CYFIP1: variants seen among roughly 807,000 people sequenced by gnomAD.
CYFIP1 encodes the protein cytoplasmic FMR1-interacting protein 1.
Under a neutral mutation model 163.5 loss-of-function variants are expected in CYFIP1, and 58 were observed. The observed-to-expected ratio is 0.35, with a 90% confidence interval of 0.29 to 0.44. CYFIP1 has a LOEUF of 0.44. CYFIP1 is among the 20% of genes least tolerant of loss of function. CYFIP1 has a pLI of 1.00. For missense variants in CYFIP1, 1,338 were observed against 1,653.8 expected (o/e 0.81, Z 3.31); for synonymous variants, 663 against 660.7 (o/e 1.00, Z -0.05).
chr15:22,894,705 A>G (rs1013341190), intron 22 of CYFIP1, among the ~76,000 whole-genome samples: 1 of 151,426 alleles, frequency 6.6e-6, no homozygotes, highest in Admixed American at 6.6e-5. Context: ...CTATGATATA[A>G]CTCAGATACA....
intron 26 of CYFIP1, among the ~76,000 whole-genome samples, chr15:22,875,659 C>T (rs539615207): frequency 1.3e-5 from 2 of 152,048 alleles, no homozygotes; most frequent in African/African-American, 4.8e-5. Flanking sequence ...CTCTTAAGAA[C>T]CACAGTTTAT....
At chr15:22,899,078 T>A (rs771356601) in intron 22 of CYFIP1, among the ~76,000 whole-genome samples, 26 of 152,146 alleles carry the variant, frequency 1.7e-4, no homozygotes, top group South Asian at 1.0e-3. Flanking sequence ...ACTCAAGAGA[T>A]CTTCCTGCCT....
In CYFIP1 at chr15:22,872,925, A is replaced by AC; in HGVS notation, c.3496dup (p.Val1166GlyfsTer20). ...AAAACGCCGCTGCTGCCCAAGAAGT[A>AC]CGATGATCATACAGCCAGCCCAGTG... is the stretch of plus-strand genomic sequence containing the variant. On this transcript the variant is annotated frameshift_variant, in exon 30 of 31. Transcript: ENST00000617928. LOFTEE classifies it high-confidence loss of function. 6.2e-7 allele frequency: 1 copy of AC among 1,614,154 alleles called. No homozygotes were observed. The highest frequency in any genetic ancestry group is 8.5e-7 in the Non-Finnish European group (1 of 1,180,002).
chr15:22,897,559 C>T (rs536300558), intron 22 of CYFIP1, among the ~76,000 whole-genome samples: 17 of 152,070 alleles, frequency 1.1e-4, no homozygotes, highest in African/African-American at 4.1e-4. Flanking sequence ...TCTTGGCTCA[C>T]TGCAGCCTTG....
intron 1 of CYFIP1, among the ~76,000 whole-genome samples, chr15:22,970,938 TG>T (rs2063073513): frequency 6.6e-6 from 1 of 151,970 alleles, no homozygotes; most frequent in South Asian, 2.1e-4. Flanking sequence ...TAGCTGGGTG[TG>T]GTGGCGGGGG....
intron 1 of CYFIP1, among the ~76,000 whole-genome samples, chr15:22,958,363 G>T (rs575318853): frequency 6.6e-6 from 1 of 152,292 alleles, no homozygotes; most frequent in South Asian, 2.1e-4. Flanking sequence ...TGGGATTACA[G>T]GTGTGAGGTA....
In CYFIP1 at chr15:22,867,541, C is replaced by CAGTT. The variant is rs146187627; in HGVS notation, c.*2483_*2486dup. 7.6e-3 allele frequency: 1,780 copies of CAGTT among 233,132 alleles called. 30 individuals are homozygous for CAGTT. Among genetic ancestry groups the CAGTT allele is most frequent in the African/African-American group, 0.037 (1,671 of 44,722 alleles). 14.4% of individuals were successfully genotyped at this position (233,132 alleles called of 1,614,324 possible). On this transcript the variant is annotated 3_prime_UTR_variant, in exon 31 of 31. Coordinates refer to ENST00000617928, the MANE Select transcript of CYFIP1 (RefSeq NM_014608.6). ...TTGCAGCCTGGCTGGGTTTATTCTTCAGTTACCCTAATCCCATGATGCCTG... is the reference window on the plus strand; with the variant it reads ...TTGCAGCCTGGCTGGGTTTATTCTTCAGTTAGTTACCCTAATCCCATGATGCCTG...
At chr15:22,878,743 A>C (rs920294804) in intron 26 of CYFIP1, among the ~76,000 whole-genome samples, 1 of 152,156 alleles carries the variant, frequency 6.6e-6, no homozygotes, top group Non-Finnish European at 1.5e-5. Flanking sequence ...ATTTTATCAA[A>C]AATCACCACT....
Position 22,892,923 on chromosome 15 carries a change from A to C in CYFIP1, c.2643T>G (p.Pro881=). ...FSQEFQRDKQ[P]NAQPQYLHGS... Reference sequence around the variant, plus strand: ...CATGCAGATACTGAGGCTGTGCATTAGGCTGCTTATCTCTTTGAAATTCCT... The same window carrying C: ...CATGCAGATACTGAGGCTGTGCATTCGGCTGCTTATCTCTTTGAAATTCCT... Residue 881 remains proline, a synonymous_variant, in exon 23 of 31, where the codon CCT becomes CCG. Transcript: ENST00000617928. The C allele has an allele frequency of 6.2e-7, 1 of 1,613,772 alleles. No homozygotes were observed. The highest frequency in any genetic ancestry group is 8.5e-7 in the Non-Finnish European group (1 of 1,179,684).
At chr15:22,921,646 G>A (rs2061181755) in intron 13 of CYFIP1, among the ~76,000 whole-genome samples, 1 of 150,874 alleles carries the variant, frequency 6.6e-6, no homozygotes, top group Non-Finnish European at 1.5e-5. Context: ...GTGAAACCCT[G>A]TATCTACTAA....
chr15:22,894,878 T>TA (rs765803966), intron 22 of CYFIP1, among the ~76,000 whole-genome samples: 39,142 of 108,530 alleles, frequency 0.36, 4,937 homozygotes, highest in Non-Finnish European at 0.4. Context: ...TATATATATA[T>TA]TTTTTTTTTT....
chr15:22,956,660 G>T (rs28370870), intron 1 of CYFIP1, among the ~76,000 whole-genome samples: 1 of 152,020 alleles, frequency 6.6e-6, no homozygotes, highest in Non-Finnish European at 1.5e-5. Flanking sequence ...TGGCCAGGAA[G>T]GGTGGGGGCT....
intron 22 of CYFIP1, among the ~76,000 whole-genome samples, chr15:22,898,991 G>C (rs373216202): frequency 6.6e-6 from 1 of 151,166 alleles, no homozygotes; most frequent in Admixed American, 6.6e-5. Context: ...GACAGCATGA[G>C]ACTCTGTCTA....
rs749110616 is a variant in CYFIP1 at position 22,882,855 on chromosome 15, AG to A, written c.2820+12del. ...CAGGCTGTGTGAAAGAAGCATGTCC[AG>A]GGAACACTCACCAGGCTCTTGACGA... On this transcript the variant is annotated intron_variant, in intron 24 of 30. Coordinates refer to ENST00000617928, the MANE Select transcript of CYFIP1 (RefSeq NM_014608.6). The A allele has an allele frequency of 4.3e-5, 70 of 1,610,336 alleles. 1 individual carries two copies. The South Asian group carries it at 6.7e-4, about 15-fold the overall frequency.
chr15:22,976,698 G>T (rs780087759), intron 1 of CYFIP1, among the ~76,000 whole-genome samples: 1 of 151,782 alleles, frequency 6.6e-6, no homozygotes, highest in Non-Finnish European at 1.5e-5. Context: ...CGCCTAATTT[G>T]TAAATTAAGC....
chr15:22,875,617 G>A (rs113046330), intron 26 of CYFIP1, among the ~76,000 whole-genome samples: 1,742 of 151,910 alleles, frequency 0.011, 28 homozygotes, highest in African/African-American at 0.033. Context: ...AAAAGCTCTC[G>A]CCCCATCCTT....
chr15:22,948,730 C>T (rs1352295787), intron 1 of CYFIP1, among the ~76,000 whole-genome samples: 2 of 150,002 alleles, frequency 1.3e-5, no homozygotes, highest in African/African-American at 4.9e-5. Flanking sequence ...AAATGGAAAT[C>T]AGCAAAAGGC....
intron 23 of CYFIP1, among the ~76,000 whole-genome samples, chr15:22,891,369 G>A (rs1441848507): frequency 6.6e-6 from 1 of 152,172 alleles, no homozygotes; most frequent in Non-Finnish European, 1.5e-5. Flanking sequence ...AGGCTGCAGT[G>A]AGCCGAGATC....
chr15:22,975,695 G>T (rs914709349), intron 1 of CYFIP1, among the ~76,000 whole-genome samples: 1 of 152,132 alleles, frequency 6.6e-6, no homozygotes, highest in African/African-American at 2.4e-5. Flanking sequence ...GGAGGCAGAG[G>T]TTGCAGTGTG....
Sources: allele counts gnomAD v4.1 joint callset (sites outside exome capture counted in the v4.1 genomes callset), GRCh38; gene constraint gnomAD v4.1.1; transcripts MANE v1.5; gene names NCBI Gene and HGNC (gene_info 2026-07-23, HGNC 2026-07-21).